The following UBP1 variants were observed in gnomAD, a reference collection of about 807,000 sequenced individuals.
The protein encoded by UBP1 is upstream-binding protein 1.
Under a neutral mutation model 76.1 loss-of-function variants are expected in UBP1, and 22 were observed. The ratio of observed to expected loss-of-function variants is 0.29; its 90% CI spans 0.21 to 0.41. UBP1 has a LOEUF of 0.41. Among genes scored for constraint, UBP1 ranks in the 10% least tolerant of loss-of-function variants. UBP1 has a pLI of 1.00. For synonymous variants in UBP1, 224 were observed against 237.1 expected, an observed-to-expected ratio of 0.94 and a Z score of 0.51; for missense variants, 436 against 668.1, an observed-to-expected ratio of 0.65 and a Z score of 3.83.
intron 2 of UBP1, among the ~76,000 whole-genome samples, chr3:33,419,852 A>G (rs1381063161): frequency 6.6e-6 from 1 of 152,236 alleles, no homozygotes; most frequent in African/African-American, 2.4e-5. Context: ...AGAAGGATCC[A>G]GTATTAATGA....
At chr3:33,427,055 A>T (rs1412376366) in intron 1 of UBP1, among the ~76,000 whole-genome samples, 2 of 152,146 alleles carry the variant, frequency 1.3e-5, no homozygotes, top group Non-Finnish European at 2.9e-5. Context: ...ACAACCTCTG[A>T]CTCCTGGGCT....
intron 3 of UBP1, among the ~76,000 whole-genome samples, chr3:33,413,773 T>C (rs1377096341): frequency 6.6e-6 from 1 of 152,052 alleles, no homozygotes; most frequent in Non-Finnish European, 1.5e-5. Flanking sequence ...CCATCTTCCT[T>C]ACCTGCACCC....
chr3:33,424,395 A>G (rs1321884312), intron 2 of UBP1, among the ~76,000 whole-genome samples: 2 of 152,238 alleles, frequency 1.3e-5, no homozygotes, highest in African/African-American at 2.4e-5. Context: ...TCTAAAATCT[A>G]TTGCTCTTTC....
chr3:33,400,957 C>A lies in UBP1; in HGVS notation c.1086+5G>T. 1 of 1,593,304 alleles carries A rather than the reference C, an allele frequency of 6.3e-7. No individual in the cohort carries two copies. The highest frequency in any genetic ancestry group is 8.5e-7 in the Non-Finnish European group (1 of 1,173,236). Reference sequence around the variant, plus strand: ...ATCAGATAGTTTTAGGAGAAAGATACTTACTTCACCAGAGGTCTGTGAAGC... The same window carrying A: ...ATCAGATAGTTTTAGGAGAAAGATAATTACTTCACCAGAGGTCTGTGAAGC... On this transcript the variant is annotated splice_donor_5th_base_variant and intron_variant, in intron 10 of 15. Transcript: ENST00000283629.
chr3:33,423,552 TA>T (rs1157914809), intron 2 of UBP1, among the ~76,000 whole-genome samples: 6 of 151,968 alleles, frequency 3.9e-5, no homozygotes, highest in African/African-American at 1.5e-4. Context: ...TCAAGTGAGG[TA>T]TCACCTGAGA....
chr3:33,396,505 G>A (rs1410423793), intron 12 of UBP1: 1 of 504,450 alleles, frequency 2.0e-6, no homozygotes, highest in African/African-American at 1.9e-5. Context: ...CATTGAGATG[G>A]TCTGTCAGAT....
At position 33,408,616 on chromosome 3, in the gene UBP1, G is replaced by A. The variant is rs764251070; in HGVS notation, c.927+74C>T. ...AAAAACAATTTTGGCTTTACTTTGC[G>A]GTGGAAGTTGGTCCTATATCTAACA... On this transcript the variant is annotated intron_variant, in intron 8 of 15. Transcript: ENST00000283629. 51 of 1,224,664 alleles carry A rather than the reference G, an allele frequency of 4.2e-5. No individual in the cohort carries two copies. In the Middle Eastern group the frequency reaches 7.9e-4, roughly 19 times the overall value. 75.9% of individuals were successfully genotyped at this position (1,224,664 alleles called of 1,614,324 possible). A position where few individuals can be genotyped will look rare whatever the true frequency, so the allele number is the denominator to read the frequency against.
intron 3 of UBP1, among the ~76,000 whole-genome samples, chr3:33,414,766 A>C (rs1230419047): frequency 6.6e-6 from 1 of 152,150 alleles, no homozygotes; most frequent in African/African-American, 2.4e-5. Flanking sequence ...CAAAAATCAC[A>C]CAGCTGGCTT....
At chr3:33,396,715 C>T (rs1256076512) in intron 12 of UBP1, 1 of 525,792 alleles carries the variant, frequency 1.9e-6, no homozygotes, top group Admixed American at 2.3e-5. Context: ...TAGTCATGAC[C>T]TTGAAAACCA....
chr3:33,390,558 T>A (rs1216541883), intron 15 of UBP1, 190 bp from the exon 16 acceptor site: 1 of 620,336 alleles, frequency 1.6e-6, no homozygotes, highest in Non-Finnish European at 2.9e-6. Flanking sequence ...ACACATTCCC[T>A]TTTTAGACAT....
chr3:33,390,478 C>CT, intron 15 of UBP1, 110 bp from the exon 16 acceptor site: 1 of 1,141,168 alleles, frequency 8.8e-7, no homozygotes. Context: ...CAGAGGTTAC[C>CT]TTTAAATGAT....
intron 4 of UBP1, 52 bp from the exon 5 acceptor site, chr3:33,411,739 AAACTTAC>A: frequency 2.1e-6 from 3 of 1,429,212 alleles, no homozygotes; most frequent in East Asian, 2.3e-5. Flanking sequence ...ATAACTTAAA[AAACTTAC>A]AACTTACTAT....
rs373072590 is a variant in UBP1, at chr3:33,424,835, C to G, written c.265+755G>C. Reference sequence around the variant, plus strand: ...CCGAGGCAGGCGGATCACTTAAGGTCAGGAGTCTGAGACTAGCCTGGCCAA... The same window carrying G: ...CCGAGGCAGGCGGATCACTTAAGGTGAGGAGTCTGAGACTAGCCTGGCCAA... On this transcript the variant is annotated intron_variant, in intron 2 of 15. Transcript: ENST00000283629. Among the ~76,000 whole-genome samples, 7 of 152,308 alleles carry G rather than the reference C, an allele frequency of 4.6e-5. No homozygotes were observed. In the East Asian group the frequency reaches 1.4e-3, roughly 29 times the overall value.
intron 1 of UBP1, 100 bp from the exon 2 acceptor site, chr3:33,425,841 A>T: frequency 1.8e-6 from 2 of 1,112,822 alleles, no homozygotes; most frequent in Non-Finnish European, 2.4e-6. Context: ...GAAATATTTA[A>T]AAGCATATAA....
intron 1 of UBP1, 77 bp from the exon 2 acceptor site, chr3:33,425,818 C>T: frequency 3.8e-6 from 5 of 1,325,116 alleles, no homozygotes; most frequent in Non-Finnish European, 5.1e-6. Flanking sequence ...CCTGAATGCA[C>T]CCAATCTTGT....
rs1326590906 is a variant in UBP1 at position 33,390,164 on chromosome 3, G to A, written c.*167C>T. On this transcript the variant is annotated 3_prime_UTR_variant, in exon 16 of 16. Transcript: ENST00000283629. Reference sequence around the variant, plus strand: ...AGGATGCTTGGCTATGGCAGTGACAGTGAGGAGATTCACCTCTCATACAGC... The same window carrying A: ...AGGATGCTTGGCTATGGCAGTGACAATGAGGAGATTCACCTCTCATACAGC... 3.0e-6 allele frequency: 2 copies of A among 656,504 alleles called. No homozygotes were observed. The highest frequency in any genetic ancestry group is 5.2e-6 in the Non-Finnish European group (2 of 382,018). 40.7% of individuals were successfully genotyped at this position (656,504 alleles called of 1,614,324 possible).
At chr3:33,398,777 T>A (rs2044109137) in intron 11 of UBP1, among the ~76,000 whole-genome samples, 1 of 152,246 alleles carries the variant, frequency 6.6e-6, no homozygotes, top group African/African-American at 2.4e-5. Context: ...ATGTGGGGCC[T>A]CCTTCAGTTC....
chr3:33,428,483 T>C (rs1242206133), intron 1 of UBP1, among the ~76,000 whole-genome samples: 1 of 151,828 alleles, frequency 6.6e-6, no homozygotes, highest in Non-Finnish European at 1.5e-5. Flanking sequence ...TTTTAATAAA[T>C]TGTCACATAT....
At chr3:33,422,551 T>C (rs1347638628) in intron 2 of UBP1, among the ~76,000 whole-genome samples, 1 of 151,936 alleles carries the variant, frequency 6.6e-6, no homozygotes, top group Non-Finnish European at 1.5e-5. Context: ...AGATCCGCCA[T>C]CTCTACGAAA....
Sources: gnomAD v4.1 joint callset for allele counts (sites outside exome capture counted in the v4.1 genomes callset) on GRCh38, gnomAD v4.1.1 for gene constraint, MANE v1.5 for transcripts, NCBI Gene and HGNC (gene_info 2026-07-23, HGNC 2026-07-21) for gene names.